Variants in FAM221A observed in about 807,000 individuals in gnomAD.
The protein encoded by FAM221A is family with sequence similarity 221 member A, also known as protein FAM221A.
A neutral mutation model predicts 37.6 loss-of-function variants in FAM221A; 43 were observed. The ratio of observed to expected loss-of-function variants is 1.15; its 90% CI spans 0.90 to 1.48. The LOEUF is 1.48. Among genes scored for constraint, FAM221A ranks in the 40% most tolerant of loss-of-function variants. The pLI is 0.00. For missense variants in FAM221A, 361 were observed against 361.5 expected (o/e 1.00, Z 0.01); for synonymous variants, 135 against 132.9 (o/e 1.02, Z -0.11).
At chr7:23,701,970 T>A (rs1310759896) in intron 6 of FAM221A, 126 bp from the exon 7 acceptor site, 2 of 468,730 alleles carry the variant, frequency 4.3e-6, no homozygotes, top group Non-Finnish European at 7.5e-6. Context: ...AGATTTTGGC[T>A]TTAGTATTTA....
Position 23,702,243 on chromosome 7 carries a change from C to T in FAM221A, c.*79C>T. On this transcript the variant is annotated 3_prime_UTR_variant, in exon 7 of 7. Coordinates refer to ENST00000344962, the MANE Select transcript of FAM221A (RefSeq NM_199136.5). ...AAATGTAATAATACAGTTTATTTTT[C>T]CTGAAATTATTTACTTTTTTTTTTT... The T allele has an allele frequency of 1.1e-6, 1 of 902,780 alleles. No individual in the cohort carries two copies. The highest frequency in any genetic ancestry group is 2.5e-5 in the South Asian group (1 of 40,020). 55.9% of individuals were successfully genotyped at this position (902,780 alleles called of 1,614,324 possible).
intron 2 of FAM221A, chr7:23,688,517 TTAAAA>T (rs2128040207): frequency 6.6e-6 from 1 of 152,332 alleles, no homozygotes; most frequent in South Asian, 2.1e-4. Flanking sequence ...AAAAGTCATA[TTAAAA>T]TAAATTACAT....
chr7:23,701,662 T>C (rs1785465956), intron 6 of FAM221A, among the ~76,000 whole-genome samples: 1 of 152,100 alleles, frequency 6.6e-6, no homozygotes, highest in African/African-American at 2.4e-5. Context: ...TTAACTACAA[T>C]GGAGGAGGAA....
intron 2 of FAM221A, chr7:23,686,179 T>TATC (rs1486515384): frequency 3.1e-6 from 1 of 319,886 alleles, no homozygotes; most frequent in African/African-American, 2.3e-5. Context: ...AGTTTTATAA[T>TATC]TTATTCTTAC....
At chr7:23,692,714 C>T in intron 4 of FAM221A, 1 of 983,498 alleles carries the variant, frequency 1.0e-6, no homozygotes, top group African/African-American at 1.7e-5. Context: ...AAATTAAGTG[C>T]AAAACACCCT....
Position 23,689,184 on chromosome 7 carries a change from A to G in FAM221A, c.240-85A>G. The stretch of plus-strand genomic sequence containing the variant: ...ATAAAGCAATAATAATTAAAAAATC[A>G]TATCTGCCTTTAATATAATAGAAAT... On this transcript the variant is annotated intron_variant, in intron 2 of 6. Transcript: ENST00000344962. The G allele has an allele frequency of 5.7e-6, 5 of 877,242 alleles. No homozygotes were observed. In the South Asian group the frequency reaches 8.4e-5, roughly 15 times the overall value. The allele number at this position is 877,242 out of a possible 1,614,324, so 54.3% of individuals were successfully genotyped here. A position where few individuals can be genotyped will look rare whatever the true frequency, so the allele number is the denominator to read the frequency against.
intron 1 of FAM221A, among the ~76,000 whole-genome samples, chr7:23,681,699 C>T (rs1378429094): frequency 1.3e-5 from 2 of 152,218 alleles, no homozygotes; most frequent in East Asian, 1.9e-4. Flanking sequence ...TGGGCCACCG[C>T]GCCCGGCTGG....
At chr7:23,684,262 G>A (rs1784232132) in intron 1 of FAM221A, among the ~76,000 whole-genome samples, 1 of 142,306 alleles carries the variant, frequency 7.0e-6, no homozygotes, top group South Asian at 2.1e-4. Context: ...GTGGGCTTTT[G>A]TTACATTCCA....
chr7:23,684,486 A>T lies in FAM221A; in HGVS notation c.66-13A>T, dbSNP rs1477267565. Reference sequence around the variant, plus strand: ...TACTCAAAGCTTAAGAGAAATATATATTTTTGTTGTAGAATTGTTGGTGAG... The same window carrying T: ...TACTCAAAGCTTAAGAGAAATATATTTTTTTGTTGTAGAATTGTTGGTGAG... On this transcript the variant is annotated splice_polypyrimidine_tract_variant and intron_variant, in intron 1 of 6. Transcript: ENST00000344962. 6.4e-7 allele frequency: 1 copy of T among 1,561,074 alleles called. No individual in the cohort carries two copies. The highest frequency in any genetic ancestry group is 1.8e-5 in the Admixed American group (1 of 55,184).
intron 5 of FAM221A, among the ~76,000 whole-genome samples, chr7:23,699,869 A>C (rs747263259): frequency 6.6e-6 from 1 of 152,148 alleles, no homozygotes; most frequent in African/African-American, 2.4e-5. Flanking sequence ...GAGTTGTGAT[A>C]TACCATTTTA....
intron 2 of FAM221A, chr7:23,686,245 C>T (rs1001665758): frequency 2.1e-5 from 9 of 428,002 alleles, no homozygotes; most frequent in East Asian, 1.5e-4. Context: ...TGGACTTGAA[C>T]GTCAGAATTG....
chr7:23,684,425 T>C (rs1026426992), intron 1 of FAM221A, 74 bp from the exon 2 acceptor site: 2 of 1,064,894 alleles, frequency 1.9e-6, no homozygotes, highest in Non-Finnish European at 2.7e-6. Context: ...ATTTAATATT[T>C]GCAGTGGCCT....
At position 23,681,382 on chromosome 7, in the gene FAM221A, A is replaced by G. The variant is rs1358780362; in HGVS notation, c.65+1099A>G. On this transcript the variant is annotated intron_variant, in intron 1 of 6. Coordinates refer to ENST00000344962, the MANE Select transcript of FAM221A (RefSeq NM_199136.5). ...TGCCTAGCTCCGAACATGTTAGGGCAGACCTATGTATGTAGTTATTTATTT... is the reference window on the plus strand; with the variant it reads ...TGCCTAGCTCCGAACATGTTAGGGCGGACCTATGTATGTAGTTATTTATTT... Among the ~76,000 whole-genome samples, 8 of 152,322 alleles carry G rather than the reference A, an allele frequency of 5.3e-5. No homozygotes were observed. The East Asian group carries it at 9.6e-4, about 18-fold the overall frequency.
chr7:23,691,473 A>C lies in FAM221A; in HGVS notation c.514A>C (p.Lys172Gln). The C allele has an allele frequency of 6.2e-7, 1 of 1,614,238 alleles. No homozygotes were observed. The highest frequency in any genetic ancestry group is 8.5e-7 in the Non-Finnish European group (1 of 1,180,046). Residue 172 changes from lysine (K) to glutamine (Q), a missense_variant, in exon 4 of 7, where the codon AAG (lysine) becomes CAG (glutamine). Lys to Gln is a moderately conservative substitution (Grantham distance 53). Coordinates refer to ENST00000344962, the MANE Select transcript of FAM221A (RefSeq NM_199136.5). Reference protein sequence around the residue: ...AYAHDTVVETKQERLAQEKPV... With the variant: ...AYAHDTVVETQQERLAQEKPV... The stretch of plus-strand genomic sequence containing the variant: ...TGCCCATGACACAGTAGTGGAAACT[A>C]AGCAAGAAAGATTGGCTCAGGAAAA...
chr7:23,686,355 C>T (rs1349269683), intron 2 of FAM221A: 1 of 405,748 alleles, frequency 2.5e-6, no homozygotes, highest in Non-Finnish European at 4.9e-6. Context: ...CCTCGACCTC[C>T]TGGGCTCAAG....
chr7:23,683,414 G>T (rs1784181040), intron 1 of FAM221A, among the ~76,000 whole-genome samples: 1 of 152,162 alleles, frequency 6.6e-6, no homozygotes, highest in African/African-American at 2.4e-5. Flanking sequence ...TTAAACCCCT[G>T]GCCAGGGTTT....
rs1008548360 is a variant in FAM221A at position 23,702,559 on chromosome 7, GAAAA to G, written c.*399_*402del. The G allele has an allele frequency of 1.3e-5, 2 of 152,318 alleles. No individual in the cohort carries two copies. Among genetic ancestry groups the G allele is most frequent in the Non-Finnish European group, 2.9e-5 (2 of 68,526 alleles). The allele number at this position is 152,318 out of a possible 1,614,324, so 9.4% of individuals were successfully genotyped here. On this transcript the variant is annotated 3_prime_UTR_variant, in exon 7 of 7. Transcript: ENST00000344962. The stretch of plus-strand genomic sequence containing the variant: ...GTAAGTTAAAAACAAGAGAACAAAA[GAAAA>G]AAATAGTTAAAATCATTAATTTTTT...
At chr7:23,695,651 G>A (rs1239041849) in intron 4 of FAM221A, among the ~76,000 whole-genome samples, 3 of 152,152 alleles carry the variant, frequency 2.0e-5, no homozygotes, top group Non-Finnish European at 4.4e-5. Context: ...GGGATTACAG[G>A]TGTAAGCCAC....
In FAM221A at chr7:23,691,601, G is replaced by A. The variant is rs1219558890; in HGVS notation, c.637+5G>A. 4.3e-6 allele frequency: 7 copies of A among 1,612,654 alleles called. No homozygotes were observed. The Admixed American group carries it at 6.7e-5, about 15-fold the overall frequency. On this transcript the variant is annotated splice_donor_5th_base_variant and intron_variant, in intron 4 of 6. Transcript: ENST00000344962. ...GGTTAGATGACAGTGGGATTGGTAA[G>A]TGATACTATATGAAATGTGAGCCCA...
Sources: gnomAD v4.1 joint callset for allele counts (sites outside exome capture counted in the v4.1 genomes callset) on GRCh38, gnomAD v4.1.1 for gene constraint, MANE v1.5 for transcripts, NCBI Gene and HGNC (gene_info 2026-07-23, HGNC 2026-07-21) for gene names.